Variants in VKORC1L1 observed in about 807,000 individuals in gnomAD.
VKORC1L1 encodes vitamin K epoxide reductase complex subunit 1L1.
A neutral mutation model predicts 18.9 loss-of-function variants in VKORC1L1; 2 were observed. The observed-to-expected ratio is 0.11, with a 90% confidence interval of 0.04 to 0.33. The LOEUF (loss-of-function observed/expected upper bound fraction) is 0.33, where lower values mean the gene tolerates loss of function less well. Among genes scored for constraint, VKORC1L1 ranks in the 10% least tolerant of loss-of-function variants. VKORC1L1 has a pLI of 1.00. For synonymous variants in VKORC1L1, 96 were observed against 100.0 expected, an observed-to-expected ratio of 0.96 and a Z score of 0.24; for missense variants, 123 against 224.1, an observed-to-expected ratio of 0.55 and a Z score of 2.88.
At chr7:65,907,684 G>T (rs745676825) in intron 1 of VKORC1L1, among the ~76,000 whole-genome samples, 2 of 152,108 alleles carry the variant, frequency 1.3e-5, no homozygotes, top group African/African-American at 2.4e-5. Flanking sequence ...GAGAGAAAAG[G>T]TTTTAATACT....
rs985838420 is a variant in VKORC1L1 at position 65,958,298 on chromosome 7, A to G, written c.*3998A>G. 6.6e-6 allele frequency: 1 copy of G among 152,244 alleles called. No individual in the cohort carries two copies. The highest frequency in any genetic ancestry group is 2.1e-4 in the South Asian group (1 of 4,836). 9.4% of individuals were successfully genotyped at this position (152,244 alleles called of 1,614,324 possible). A position where few individuals can be genotyped will look rare whatever the true frequency, so the allele number is the denominator to read the frequency against. On this transcript the variant is annotated 3_prime_UTR_variant, in exon 3 of 3. Coordinates refer to ENST00000360768, the MANE Select transcript of VKORC1L1 (RefSeq NM_173517.6). ...AGCATGGCCTAAGTATTTATTAGGT[A>G]TATGATCTGTGTAGTATGTTCCATC...
At chr7:65,908,005 A>G (rs1188479135) in intron 1 of VKORC1L1, among the ~76,000 whole-genome samples, 1 of 152,204 alleles carries the variant, frequency 6.6e-6, no homozygotes, top group Admixed American at 6.5e-5. Context: ...GCAGTGTGTC[A>G]GATCTGTTAA....
chr7:65,906,472 A>G lies in VKORC1L1; in HGVS notation c.194+32907A>G, dbSNP rs189359358. Among the ~76,000 whole-genome samples the G allele has an allele frequency of 2.4e-3, 360 of 152,272 alleles. 4 individuals are homozygous for G. The highest frequency in any genetic ancestry group is 8.4e-3 in the African/African-American group (351 of 41,560). On this transcript the variant is annotated intron_variant, in intron 1 of 2. Coordinates refer to ENST00000360768, the MANE Select transcript of VKORC1L1 (RefSeq NM_173517.6). ...TACCATGTGGGAGTAATCTCTAGAC[A>G]TTTTTGACTTACTGGCCTATTTTGT... is the stretch of plus-strand genomic sequence containing the variant.
chr7:65,930,298 A>G (rs1789837592), intron 1 of VKORC1L1, among the ~76,000 whole-genome samples: 2 of 152,212 alleles, frequency 1.3e-5, no homozygotes. Context: ...GGATTCTTAA[A>G]GAGGAGTGTA....
chr7:65,899,786 G>T (rs1789278476), intron 1 of VKORC1L1, among the ~76,000 whole-genome samples: 1 of 151,386 alleles, frequency 6.6e-6, no homozygotes, highest in Admixed American at 6.6e-5. Flanking sequence ...GATCATCTTA[G>T]GTCAGGAGTT....
At chr7:65,867,003 A>G in the VKORC1L1 span, among the ~76,000 whole-genome samples, 4 of 152,066 alleles carry the variant, frequency 2.6e-5, no homozygotes, top group East Asian at 7.7e-4. Context: ...CCTGGCCAAC[A>G]TCATGAAACC....
chr7:65,896,516 C>G (rs1458652189), intron 1 of VKORC1L1, among the ~76,000 whole-genome samples: 1 of 151,802 alleles, frequency 6.6e-6, no homozygotes, highest in Non-Finnish European at 1.5e-5. Context: ...GTAATAGGTT[C>G]CGCTCCTATC....
upstream of VKORC1L1, among the ~76,000 whole-genome samples, chr7:65,868,721 CA>C (rs1450265259): frequency 3.3e-5 from 5 of 152,122 alleles, no homozygotes; most frequent in Non-Finnish European, 5.9e-5. Flanking sequence ...AATTCAGAAA[CA>C]AAGTCAAATA....
chr7:65,929,431 T>C (rs1428987628), intron 1 of VKORC1L1, among the ~76,000 whole-genome samples: 1 of 151,800 alleles, frequency 6.6e-6, no homozygotes, highest in Non-Finnish European at 1.5e-5. Flanking sequence ...TAAAAATCAG[T>C]TGTGTCTGTT....
chr7:65,914,979 C>CT (rs562733733), intron 1 of VKORC1L1, among the ~76,000 whole-genome samples: 350 of 152,226 alleles, frequency 2.3e-3, no homozygotes, highest in African/African-American at 8.0e-3. Flanking sequence ...GCACTCCAGC[C>CT]TGGGTAACAG....
At chr7:65,930,577 G>A (rs1281799774) in intron 1 of VKORC1L1, among the ~76,000 whole-genome samples, 2 of 152,184 alleles carry the variant, frequency 1.3e-5, no homozygotes, top group African/African-American at 4.8e-5. Flanking sequence ...CAGAAATTGT[G>A]GGTCAGAGTT....
chr7:65,886,268 ATTAAT>A (rs1174896925), intron 1 of VKORC1L1, among the ~76,000 whole-genome samples: 9 of 152,138 alleles, frequency 5.9e-5, no homozygotes, highest in African/African-American at 2.2e-4. Flanking sequence ...TCTTGTAGTC[ATTAAT>A]TTAATGATTA....
At chr7:65,905,520 A>G (rs2116403591) in intron 1 of VKORC1L1, among the ~76,000 whole-genome samples, 1 of 152,244 alleles carries the variant, frequency 6.6e-6, no homozygotes, top group South Asian at 2.1e-4. Flanking sequence ...CATGTTAGCC[A>G]GGATGGTCTC....
intron 1 of VKORC1L1, among the ~76,000 whole-genome samples, chr7:65,892,490 C>T (rs185762891): frequency 6.6e-6 from 1 of 152,304 alleles, no homozygotes; most frequent in Non-Finnish European, 1.5e-5. Flanking sequence ...TTTTGATTTG[C>T]ATTTCTCTGA....
In VKORC1L1 at chr7:65,913,258, G is replaced by A. The variant is rs140159118; in HGVS notation, c.195-35413G>A. On this transcript the variant is annotated intron_variant, in intron 1 of 2. Transcript: ENST00000360768. The stretch of plus-strand genomic sequence containing the variant: ...GAGGAAGATTGCTTCTCTGAGTTCT[G>A]GGAACGTTCCTGGTTCCCTTCTTTA... 1.5e-3 allele frequency among the ~76,000 whole-genome samples: 235 copies of A among 152,120 alleles called. 1 individual carries two copies. The highest frequency in any genetic ancestry group is 5.5e-3 in the African/African-American group (228 of 41,500).
chr7:65,952,231 G>T (rs1446127956), intron 2 of VKORC1L1, among the ~76,000 whole-genome samples: 1 of 152,214 alleles, frequency 6.6e-6, no homozygotes, highest in African/African-American at 2.4e-5. Context: ...CATAGGTGAA[G>T]TCAGCAAACT....
intron 1 of VKORC1L1, among the ~76,000 whole-genome samples, chr7:65,906,512 T>C (rs1319669399): frequency 6.6e-6 from 1 of 152,040 alleles, no homozygotes; most frequent in African/African-American, 2.4e-5. Context: ...CCCCCAAAGG[T>C]GGAGAACTGG....
At chr7:65,889,956 TTTTTTG>T (rs71051314) in intron 1 of VKORC1L1, among the ~76,000 whole-genome samples, 7 of 116,820 alleles carry the variant, frequency 6.0e-5, no homozygotes, top group African/African-American at 2.2e-4. Context: ...TTCTCTCTCT[TTTTTTG>T]TTTTTGTTTT....
intron 1 of VKORC1L1, among the ~76,000 whole-genome samples, chr7:65,884,371 C>T (rs1009395831): frequency 5.9e-5 from 9 of 152,096 alleles, no homozygotes; most frequent in African/African-American, 1.7e-4. Flanking sequence ...CAGCAGGGCA[C>T]GGTGGCCATA....
Sources: allele counts gnomAD v4.1 joint callset (sites outside exome capture counted in the v4.1 genomes callset), GRCh38; gene constraint gnomAD v4.1.1; transcripts MANE v1.5; gene names NCBI Gene and HGNC (gene_info 2026-07-23, HGNC 2026-07-21).